The following HMGB1 variants were observed in gnomAD, a reference collection of about 807,000 sequenced individuals.
HMGB1 encodes the protein high mobility group protein B1.
For missense variants in HMGB1, 79 were observed against 253.5 expected (o/e 0.31, Z 4.67); for synonymous variants, 81 against 84.0 (o/e 0.96, Z 0.19).
chr13:30,553,969 C>T (rs995340666), intron 1 of HMGB1: 20 of 1,485,078 alleles, frequency 1.3e-5, no homozygotes, highest in African/African-American at 9.7e-5. Flanking sequence ...TTCTGGCTTA[C>T]GGTTTGGCAG....
At chr13:30,474,959 G>GTTTGT (rs1224684054) in intron 1 of HMGB1, among the ~76,000 whole-genome samples, 2,928 of 63,858 alleles carry the variant, frequency 0.046, 451 homozygotes, top group East Asian at 0.16. Context: ...TTCTTTTTTT[G>GTTTGT]TTTTTTTTTT....
chr13:30,507,169 T>C (rs1447629894), intron 1 of HMGB1, among the ~76,000 whole-genome samples: 12 of 152,162 alleles, frequency 7.9e-5, no homozygotes, highest in Admixed American at 7.9e-4. Context: ...ATAGCTCAAA[T>C]GCCTTAACCC....
chr13:30,553,208 T>A (rs1869511241), intron 1 of HMGB1, among the ~76,000 whole-genome samples: 1 of 152,208 alleles, frequency 6.6e-6, no homozygotes, highest in South Asian at 2.1e-4. Flanking sequence ...TGGCTTTCTC[T>A]CCTTCCGGGG....
At chr13:30,596,417 G>C (rs1871612635) in intron 1 of HMGB1, among the ~76,000 whole-genome samples, 2 of 152,154 alleles carry the variant, frequency 1.3e-5, no homozygotes, top group Admixed American at 1.3e-4. Flanking sequence ...GCCATCAGAT[G>C]CTCCAAATGC....
At chr13:30,471,370 G>A (rs1886923767) in intron 1 of HMGB1, among the ~76,000 whole-genome samples, 3 of 151,242 alleles carry the variant, frequency 2.0e-5, no homozygotes, top group South Asian at 4.2e-4. Context: ...TTTTTGAGAC[G>A]GGGTTTCACT....
In HMGB1 at chr13:30,461,539, A is replaced by G. The variant is rs1156848239; in HGVS notation, c.472-6T>C. ...GCTCGATATGCAGCAATATCCTTCC[A>G]AAGCAAAGGGAGGATAAAACAGTAG... is the stretch of plus-strand genomic sequence containing the variant. On this transcript the variant is annotated splice_polypyrimidine_tract_variant and splice_region_variant and intron_variant, in intron 4 of 4. Transcript: ENST00000341423. The G allele has an allele frequency of 1.3e-6, 2 of 1,580,194 alleles. No individual in the cohort carries two copies. The highest frequency in any genetic ancestry group is 1.8e-5 in the Admixed American group (1 of 54,618).
chr13:30,602,132 G>A (rs1235755927), intron 1 of HMGB1, among the ~76,000 whole-genome samples: 1 of 151,828 alleles, frequency 6.6e-6, no homozygotes, highest in Non-Finnish European at 1.5e-5. Context: ...ACATGTCACC[G>A]GGGACACCAG....
At chr13:30,486,258 C>T (rs988381872) in intron 1 of HMGB1, among the ~76,000 whole-genome samples, 1 of 152,196 alleles carries the variant, frequency 6.6e-6, no homozygotes, top group Non-Finnish European at 1.5e-5. Context: ...CGATTTCTTA[C>T]TCCCTCAAGC....
intron 1 of HMGB1, among the ~76,000 whole-genome samples, chr13:30,593,297 G>A (rs1871450307): frequency 6.6e-6 from 1 of 152,064 alleles, no homozygotes; most frequent in East Asian, 1.9e-4. Flanking sequence ...TAAACAATAT[G>A]GCATATTAAG....
chr13:30,520,355 C>T (rs1203478935), intron 1 of HMGB1, among the ~76,000 whole-genome samples: 3 of 151,132 alleles, frequency 2.0e-5, no homozygotes, highest in African/African-American at 4.9e-5. Flanking sequence ...CGCAGTGGCT[C>T]ACACCTGTAA....
intron 1 of HMGB1, among the ~76,000 whole-genome samples, chr13:30,479,859 T>C (rs548983177): frequency 6.6e-6 from 1 of 152,352 alleles, no homozygotes; most frequent in East Asian, 1.9e-4. Context: ...TGCATACAGC[T>C]CCACTGCTTT....
intron 1 of HMGB1, among the ~76,000 whole-genome samples, chr13:30,487,515 T>C (rs978535295): frequency 6.6e-6 from 1 of 152,264 alleles, no homozygotes; most frequent in East Asian, 1.9e-4. Flanking sequence ...TCTGACTTGA[T>C]GATTTCTACC....
At chr13:30,464,679 C>T in intron 1 of HMGB1, 9 of 974,356 alleles carry the variant, frequency 9.2e-6, no homozygotes, top group Non-Finnish European at 1.1e-5. Context: ...CCGGCGCGCA[C>T]GGAATGGCCG....
chr13:30,557,982 G>T (rs1421820162), intron 1 of HMGB1, among the ~76,000 whole-genome samples: 1 of 152,038 alleles, frequency 6.6e-6, no homozygotes, highest in Non-Finnish European at 1.5e-5. Flanking sequence ...TTTTTCACAT[G>T]TCTGGCATCT....
chr13:30,585,500 T>C (rs1256495882), intron 1 of HMGB1, among the ~76,000 whole-genome samples: 1 of 151,862 alleles, frequency 6.6e-6, no homozygotes, highest in Non-Finnish European at 1.5e-5. Flanking sequence ...ACAGCCTGGC[T>C]AACACAGTGA....
intron 1 of HMGB1, among the ~76,000 whole-genome samples, chr13:30,517,993 T>C (rs1888138246): frequency 6.6e-6 from 1 of 152,158 alleles, no homozygotes; most frequent in African/African-American, 2.4e-5. Context: ...AAGTTGACTG[T>C]TAGTGTAGTC....
intron 1 of HMGB1, among the ~76,000 whole-genome samples, chr13:30,534,318 C>G (rs983549223): frequency 6.6e-6 from 1 of 152,208 alleles, no homozygotes; most frequent in South Asian, 2.1e-4. Flanking sequence ...TCAGTCTCGT[C>G]TCTCACTTTA....
intron 1 of HMGB1, among the ~76,000 whole-genome samples, chr13:30,519,687 A>G (rs969183143): frequency 1.5e-5 from 2 of 135,270 alleles, no homozygotes; most frequent in African/African-American, 2.7e-5. Context: ...GCGACAAAGC[A>G]AGACTCCATC....
intron 1 of HMGB1, among the ~76,000 whole-genome samples, chr13:30,567,242 T>C (rs1039286005): frequency 6.6e-6 from 1 of 152,176 alleles, no homozygotes; most frequent in Admixed American, 6.5e-5. Flanking sequence ...TTTCAGCCCC[T>C]GTAGTCAATT....
Sources: allele counts gnomAD v4.1 joint callset (sites outside exome capture counted in the v4.1 genomes callset), GRCh38; gene constraint gnomAD v4.1.1; transcripts MANE v1.5; gene names NCBI Gene and HGNC (gene_info 2026-07-23, HGNC 2026-07-21).